PALM2AKAP2: variants seen among roughly 807,000 people sequenced by gnomAD.
The protein encoded by PALM2AKAP2 is PALM2-AKAP2 fusion protein.
PALM2AKAP2 carries 37 observed loss-of-function variants against 71.5 expected under a neutral mutation model. The observed-to-expected ratio is 0.52, with a 90% confidence interval of 0.40 to 0.68. The LOEUF is 0.68. PALM2AKAP2 is among the 30% of genes least tolerant of loss of function. The pLI is 0.00. For synonymous variants in PALM2AKAP2, 468 were observed against 478.8 expected, an observed-to-expected ratio of 0.98 and a Z score of 0.29; for missense variants, 1,224 against 1,191.8, an observed-to-expected ratio of 1.03 and a Z score of -0.40.
At position 110,137,482 on chromosome 9, in the gene PALM2AKAP2, A is replaced by G. The variant is rs1835913537; in HGVS notation, c.1512A>G (p.Glu504=). ...GCAACACAGCCTCTCAGGGGAAGGAAGGGCCCTACAGCGAGCCTTCTAAAC... is the reference window on the plus strand; with the variant it reads ...GCAACACAGCCTCTCAGGGGAAGGAGGGGCCCTACAGCGAGCCTTCTAAAC... The change falls in exon 2 of 4, where the codon GAA becomes GAG. Residue 504 remains glutamate, a synonymous_variant. Coordinates refer to ENST00000374525, the Ensembl canonical transcript of PALM2AKAP2. The G allele has an allele frequency of 3.1e-6, 5 of 1,613,972 alleles. No individual in the cohort carries two copies. The Admixed American group carries it at 8.3e-5, about 27-fold the overall frequency.
At chr9:109,669,434 G>T (rs535790027) in intron 1 of PALM2AKAP2, among the ~76,000 whole-genome samples, 45 of 151,766 alleles carry the variant, frequency 3.0e-4, no homozygotes, top group African/African-American at 1.1e-3. Context: ...ATCAAATTTT[G>T]GTTCAGAGTT....
chr9:109,925,427 T>C (rs1224785743), intron 5 of PALM2AKAP2, among the ~76,000 whole-genome samples: 1 of 152,060 alleles, frequency 6.6e-6, no homozygotes, highest in East Asian at 1.9e-4. Flanking sequence ...GATGAGCCCA[T>C]TTGTCTTGGT....
chr9:110,093,965 A>G (rs1190898918), intron 1 of PALM2AKAP2, among the ~76,000 whole-genome samples: 2 of 152,176 alleles, frequency 1.3e-5, no homozygotes, highest in African/African-American at 4.8e-5. Flanking sequence ...CCAAGGGGAC[A>G]TTTGGCAATG....
rs529441557 is a variant in PALM2AKAP2 at position 109,684,271 on chromosome 9, C to T, written c.5+43405C>T. ...TGAACCCTCCTTGAGAAACTCTCTT[C>T]CTGCAGCATCTAGGGCAGTGGTGCT... is the stretch of plus-strand genomic sequence containing the variant. On this transcript the variant is annotated intron_variant, in intron 1 of 6. Transcript: ENST00000374531. Among the ~76,000 whole-genome samples the T allele has an allele frequency of 1.2e-3, 179 of 152,296 alleles. 1 individual carries two copies. Among genetic ancestry groups the T allele is most frequent in the African/African-American group, 4.0e-3 (168 of 41,570 alleles).
intron 6 of PALM2AKAP2, among the ~76,000 whole-genome samples, chr9:109,992,882 T>C (rs1367987120): frequency 6.6e-6 from 1 of 151,584 alleles, no homozygotes; most frequent in Non-Finnish European, 1.5e-5. Flanking sequence ...AAGCATAGTC[T>C]AGCTTCCAAA....
intron 6 of PALM2AKAP2, among the ~76,000 whole-genome samples, chr9:110,015,148 A>C (rs560020107): frequency 6.6e-6 from 1 of 152,262 alleles, no homozygotes; most frequent in East Asian, 1.9e-4. Flanking sequence ...AAGTGACGAC[A>C]CATTCTTAGT....
chr9:110,129,161 G>A (rs1835679620), intron 1 of PALM2AKAP2, among the ~76,000 whole-genome samples: 1 of 152,314 alleles, frequency 6.6e-6, no homozygotes, highest in African/African-American at 2.4e-5. Context: ...TAGCTGACAC[G>A]TAGAGCAACA....
intron 1 of PALM2AKAP2, among the ~76,000 whole-genome samples, chr9:109,755,044 C>A (rs1213058301): frequency 6.6e-6 from 1 of 152,074 alleles, no homozygotes; most frequent in Non-Finnish European, 1.5e-5. Context: ...CTCCTTAGAA[C>A]CTCCACCTCT....
chr9:109,696,482 T>C (rs1273445361), intron 1 of PALM2AKAP2, among the ~76,000 whole-genome samples: 1 of 152,222 alleles, frequency 6.6e-6, no homozygotes, highest in Non-Finnish European at 1.5e-5. Flanking sequence ...CAGAAACTCA[T>C]ATGTTTTGGG....
rs139581097 is a variant in PALM2AKAP2 at position 109,787,550 on chromosome 9, G to A, written c.45+7017G>A. ...TAAGCAGGAGTAGTAAACTCAACAGGTCAGGGGGCCAGCATGCAATGTAAA... is the reference window on the plus strand; with the variant it reads ...TAAGCAGGAGTAGTAAACTCAACAGATCAGGGGGCCAGCATGCAATGTAAA... On this transcript the variant is annotated intron_variant, in intron 1 of 9. Coordinates refer to the PALM2AKAP2 transcript ENST00000302798. 8.1e-3 allele frequency among the ~76,000 whole-genome samples: 1,238 copies of A among 152,258 alleles called. 16 individuals carry two copies. The highest frequency in any genetic ancestry group is 0.027 in the South Asian group (132 of 4,826).
intron 1 of PALM2AKAP2, among the ~76,000 whole-genome samples, chr9:109,684,694 CCT>C (rs1827783318): frequency 1.3e-5 from 2 of 152,142 alleles, no homozygotes; most frequent in African/African-American, 4.8e-5. Context: ...CAAAATAAAA[CCT>C]CTTTTTGATT....
intron 6 of PALM2AKAP2, among the ~76,000 whole-genome samples, chr9:110,006,324 C>CTCTTTCTTCTT (rs1832781858): frequency 9.8e-6 from 1 of 102,102 alleles, no homozygotes; most frequent in Non-Finnish European, 1.9e-5. Flanking sequence ...TTCCTTCCTT[C>CTCTTTCTTCTT]TCTTTCTTTC....
intron 6 of PALM2AKAP2, among the ~76,000 whole-genome samples, chr9:109,997,716 G>C (rs1429088363): frequency 6.6e-6 from 1 of 152,146 alleles, no homozygotes; most frequent in Non-Finnish European, 1.5e-5. Context: ...CCTCTATTTG[G>C]AGGCCGCAGG....
At chr9:110,054,510 C>T (rs897795233) in intron 1 of PALM2AKAP2, among the ~76,000 whole-genome samples, 1 of 152,142 alleles carries the variant, frequency 6.6e-6, no homozygotes, top group Non-Finnish European at 1.5e-5. Flanking sequence ...TTAAATTAAC[C>T]AAAGCCTTCT....
chr9:110,133,717 A>T (rs1485814455), intron 1 of PALM2AKAP2, among the ~76,000 whole-genome samples: 2 of 150,778 alleles, frequency 1.3e-5, no homozygotes, highest in Non-Finnish European at 3.0e-5. Flanking sequence ...TGTTGTTCCC[A>T]TGCAGAATAT....
chr9:110,129,606 T>G lies in PALM2AKAP2; in HGVS notation c.157-6521T>G, dbSNP rs1412761745. Among the ~76,000 whole-genome samples the G allele has an allele frequency of 2.0e-5, 3 of 152,240 alleles. No homozygotes were observed. In the East Asian group the frequency reaches 5.8e-4, roughly 29 times the overall value. ...GCATCAGCTGACATATGTATGTGCA[T>G]GTACTGTGAAATGATAAGCTATTAG... is the stretch of plus-strand genomic sequence containing the variant. On this transcript the variant is annotated intron_variant, in intron 1 of 3. Coordinates refer to ENST00000374525, the Ensembl canonical transcript of PALM2AKAP2.
upstream of PALM2AKAP2, among the ~76,000 whole-genome samples, chr9:110,048,197 T>C (rs542829510): frequency 8.9e-4 from 135 of 152,290 alleles, no homozygotes; most frequent in South Asian, 3.5e-3. Flanking sequence ...AGGACAGTCG[T>C]GGTGCTAGGT....
At chr9:109,702,384 C>G (rs371831884) in intron 1 of PALM2AKAP2, among the ~76,000 whole-genome samples, 5 of 152,278 alleles carry the variant, frequency 3.3e-5, no homozygotes, top group South Asian at 4.1e-4. Context: ...AAATGTGGCA[C>G]ATATACACCA....
At chr9:110,160,576 A>G (rs894884190) in intron 3 of PALM2AKAP2, among the ~76,000 whole-genome samples, 1 of 152,204 alleles carries the variant, frequency 6.6e-6, no homozygotes, top group Non-Finnish European at 1.5e-5. Context: ...ACTCTGATTC[A>G]TTAGTCCATC....
Sources: allele counts gnomAD v4.1 joint callset (sites outside exome capture counted in the v4.1 genomes callset), GRCh38; gene constraint gnomAD v4.1.1; transcripts MANE v1.5; gene names NCBI Gene and HGNC (gene_info 2026-07-23, HGNC 2026-07-21).